The following CNTLN variants were observed in gnomAD, a reference collection of about 807,000 sequenced individuals.
The protein encoded by CNTLN is centlein, centrosomal protein.
CNTLN carries 212 observed loss-of-function variants against 180.0 expected under a neutral mutation model. The observed-to-expected ratio is 1.18, with a 90% CI of 1.05 to 1.32. The LOEUF (loss-of-function observed/expected upper bound fraction) is 1.32, where lower values mean the gene tolerates loss of function less well. CNTLN is among the 40% of genes most tolerant of loss of function. CNTLN has a pLI of 0.00. For synonymous variants in CNTLN, 722 were observed against 563.1 expected (o/e 1.28, Z -3.99); for missense variants, 2,095 against 1,610.9 (o/e 1.30, Z -5.14).
At chr9:17,439,291 T>A (rs571951870) in intron 18 of CNTLN, among the ~76,000 whole-genome samples, 1 of 152,298 alleles carries the variant, frequency 6.6e-6, no homozygotes, top group Admixed American at 6.5e-5. Flanking sequence ...TAAGTATTTA[T>A]CAAAAATGTT....
chr9:17,267,468 A>C (rs1827564954), intron 5 of CNTLN, among the ~76,000 whole-genome samples: 1 of 152,124 alleles, frequency 6.6e-6, no homozygotes, highest in Admixed American at 6.5e-5. Flanking sequence ...GGCTGCCCTT[A>C]ACATTTTTTC....
At chr9:17,268,754 C>A (rs1203750853) in intron 5 of CNTLN, among the ~76,000 whole-genome samples, 1 of 152,016 alleles carries the variant, frequency 6.6e-6, no homozygotes, top group Non-Finnish European at 1.5e-5. Flanking sequence ...GGCACTCCTC[C>A]CCCAGCCTCG....
intron 13 of CNTLN, among the ~76,000 whole-genome samples, chr9:17,369,987 A>G (rs920629224): frequency 2.2e-5 from 3 of 133,352 alleles, no homozygotes; most frequent in South Asian, 4.6e-4. Context: ...CTCCATCTCG[A>G]AAAAAAAAAA....
chr9:17,281,038 G>A (rs376176149), intron 6 of CNTLN, among the ~76,000 whole-genome samples: 12 of 152,076 alleles, frequency 7.9e-5, no homozygotes, highest in African/African-American at 2.4e-4. Flanking sequence ...TCTGTTTATA[G>A]CAGTGAACAA....
chr9:17,524,153 C>G, the CNTLN span, among the ~76,000 whole-genome samples: 13,699 of 152,110 alleles, frequency 0.09, 806 homozygotes, highest in Non-Finnish European at 0.14. Context: ...AACTAATATT[C>G]TGTATGTGTT....
At chr9:17,348,625 G>T (rs1018251686) in intron 12 of CNTLN, among the ~76,000 whole-genome samples, 2 of 151,616 alleles carry the variant, frequency 1.3e-5, no homozygotes, top group Admixed American at 1.3e-4. Context: ...CTGCCTCCTG[G>T]GTTCAAGTAA....
intron 10 of CNTLN, among the ~76,000 whole-genome samples, chr9:17,340,144 C>A (rs1385773792): frequency 1.3e-5 from 2 of 151,838 alleles, no homozygotes; most frequent in Non-Finnish European, 2.9e-5. Flanking sequence ...AGCCCTGTTT[C>A]CAGAAAAATA....
chr9:17,160,044 G>C (rs1201865808), intron 2 of CNTLN, among the ~76,000 whole-genome samples: 1 of 152,192 alleles, frequency 6.6e-6, no homozygotes, highest in Non-Finnish European at 1.5e-5. Flanking sequence ...AATTGTGATA[G>C]AGATTGTGAA....
intron 25 of CNTLN, among the ~76,000 whole-genome samples, chr9:17,498,998 C>G (rs1466256107): frequency 6.6e-6 from 1 of 152,298 alleles, no homozygotes; most frequent in East Asian, 1.9e-4. Context: ...TAACTATAAA[C>G]TCCTTGTATG....
At position 17,181,750 on chromosome 9, in the gene CNTLN, C is replaced by T. The variant is rs114238746; in HGVS notation, c.449+38374C>T. Among the ~76,000 whole-genome samples, 239 of 152,352 alleles carry T rather than the reference C, an allele frequency of 1.6e-3. 1 individual carries two copies. The highest frequency in any genetic ancestry group is 5.5e-3 in the African/African-American group (230 of 41,566). On this transcript the variant is annotated intron_variant, in intron 2 of 25. Coordinates refer to ENST00000380647, the MANE Select transcript of CNTLN (RefSeq NM_017738.4). The stretch of plus-strand genomic sequence containing the variant: ...TTAGAAGTTTAGGTTCCCCTCTGGT[C>T]TCTGAAGACACCTGAGGAATATGAT...
At chr9:17,400,057 C>A (rs769671749) in intron 15 of CNTLN, among the ~76,000 whole-genome samples, 3 of 151,778 alleles carry the variant, frequency 2.0e-5, no homozygotes, top group African/African-American at 7.3e-5. Context: ...TGCTAATCTG[C>A]ATTTTTACGG....
intron 8 of CNTLN, among the ~76,000 whole-genome samples, chr9:17,319,175 A>G (rs1047127009): frequency 1.7e-4 from 26 of 152,236 alleles, no homozygotes; most frequent in African/African-American, 5.8e-4. Flanking sequence ...TCAGAAGCGC[A>G]CTGGCATAGG....
intron 18 of CNTLN, among the ~76,000 whole-genome samples, chr9:17,455,870 TG>T (rs767484005): frequency 2.4e-4 from 36 of 152,212 alleles, no homozygotes; most frequent in Non-Finnish European, 4.7e-4. Flanking sequence ...CAACACAAAT[TG>T]AAGCCTAATC....
At chr9:17,257,570 T>A (rs1372562964) in intron 5 of CNTLN, among the ~76,000 whole-genome samples, 4 of 151,398 alleles carry the variant, frequency 2.6e-5, no homozygotes, top group Admixed American at 1.3e-4. Flanking sequence ...CCACAATGGT[T>A]GAATTAGTTT....
intron 2 of CNTLN, among the ~76,000 whole-genome samples, chr9:17,187,265 T>C (rs1821488066): frequency 6.6e-6 from 1 of 152,096 alleles, no homozygotes; most frequent in Non-Finnish European, 1.5e-5. Context: ...TAGGAGCTAA[T>C]TTGAAAATGT....
chr9:17,391,801 TA>T (rs1413604393), intron 14 of CNTLN, among the ~76,000 whole-genome samples: 2 of 152,158 alleles, frequency 1.3e-5, no homozygotes, highest in African/African-American at 4.8e-5. Flanking sequence ...ATGATAATGA[TA>T]ATAAATTGTT....
chr9:17,257,480 G>C (rs991843089), intron 5 of CNTLN, among the ~76,000 whole-genome samples: 18 of 151,790 alleles, frequency 1.2e-4, no homozygotes, highest in Admixed American at 2.6e-4. Flanking sequence ...ATAGTCCTTT[G>C]GGTATATACC....
intron 2 of CNTLN, 143 bp downstream of exon 2, chr9:17,143,519 G>C: frequency 3.2e-6 from 2 of 634,722 alleles, no homozygotes; most frequent in South Asian, 3.9e-5. Flanking sequence ...TTAAATTGTT[G>C]GATTTATTAT....
chr9:17,327,018 C>T (rs1030879903), intron 8 of CNTLN, among the ~76,000 whole-genome samples: 1 of 151,898 alleles, frequency 6.6e-6, no homozygotes, highest in Admixed American at 6.6e-5. Context: ...AATATTGGTT[C>T]AGTAATTGTA....
Sources: allele counts gnomAD v4.1 joint callset (sites outside exome capture counted in the v4.1 genomes callset), GRCh38; gene constraint gnomAD v4.1.1; transcripts MANE v1.5; gene names NCBI Gene and HGNC (gene_info 2026-07-23, HGNC 2026-07-21).